The following FSTL5 variants were observed in gnomAD, a reference collection of about 807,000 sequenced individuals.
The protein encoded by FSTL5 is follistatin-related protein 5.
Under a neutral mutation model 89.1 loss-of-function variants are expected in FSTL5, and 62 were observed. The ratio of observed to expected loss-of-function variants is 0.70; its 90% CI spans 0.57 to 0.86. The LOEUF (loss-of-function observed/expected upper bound fraction) is 0.86. Among genes scored for constraint, FSTL5 ranks in the 40% least tolerant of loss-of-function variants. The probability of loss-of-function intolerance (pLI) is 0.00; values close to 1 mark genes in which losing one functional copy is unlikely to be tolerated. For missense variants in FSTL5, 1,057 were observed against 1,001.6 expected, an observed-to-expected ratio of 1.06 and a Z score of -0.75; for synonymous variants, 383 against 346.2, an observed-to-expected ratio of 1.11 and a Z score of -1.18.
chr4:162,000,712 C>T (rs1736439686), intron 3 of FSTL5, among the ~76,000 whole-genome samples: 1 of 151,998 alleles, frequency 6.6e-6, no homozygotes, highest in Non-Finnish European at 1.5e-5. Flanking sequence ...GTACAATGAC[C>T]TTTTAATCTA....
chr4:162,052,303 C>T (rs1560993104), intron 2 of FSTL5, among the ~76,000 whole-genome samples: 1 of 149,040 alleles, frequency 6.7e-6, no homozygotes, highest in Non-Finnish European at 1.5e-5. Context: ...TCAATCATAA[C>T]AAAAAAAAAG....
At chr4:161,544,386 G>A (rs956707534) in intron 8 of FSTL5, among the ~76,000 whole-genome samples, 21 of 151,932 alleles carry the variant, frequency 1.4e-4, no homozygotes, top group African/African-American at 5.1e-4. Flanking sequence ...TGACACAAAC[G>A]TTTACATATT....
At chr4:161,992,877 T>A (rs1216792250) in intron 3 of FSTL5, among the ~76,000 whole-genome samples, 8,140 of 27,578 alleles carry the variant, frequency 0.3, 931 homozygotes, top group Admixed American at 0.38. Flanking sequence ...TATATATATA[T>A]ATATATATAT....
intron 4 of FSTL5, among the ~76,000 whole-genome samples, chr4:161,823,539 C>T (rs1403847019): frequency 1.3e-5 from 2 of 152,198 alleles, no homozygotes; most frequent in African/African-American, 4.8e-5. Flanking sequence ...GACACCAGAT[C>T]TTGGGAGCAG....
intron 15 of FSTL5, among the ~76,000 whole-genome samples, chr4:161,391,247 G>A (rs1006713607): frequency 1.3e-5 from 2 of 152,172 alleles, no homozygotes; most frequent in Non-Finnish European, 2.9e-5. Context: ...AATTTTACTT[G>A]TGAAGGCTTA....
chr4:161,994,748 G>C lies in FSTL5; in HGVS notation c.160+38877C>G, dbSNP rs7672617. ...GGTGTTTTGTTTTTTTCTTCCAAAT[G>C]TGTTTAAGTTCCTTCTACAAGCTGG... is the stretch of plus-strand genomic sequence containing the variant. On this transcript the variant is annotated intron_variant, in intron 3 of 15. Coordinates refer to ENST00000306100, the MANE Select transcript of FSTL5 (RefSeq NM_020116.5). Among the ~76,000 whole-genome samples the C allele has an allele frequency of 8.6e-3, 1,313 of 152,176 alleles. 23 individuals carry two copies. The highest frequency in any genetic ancestry group is 0.03 in the African/African-American group (1,253 of 41,550).
chr4:162,049,564 G>T lies in FSTL5; in HGVS notation c.127-15906C>A, dbSNP rs1178295776. On this transcript the variant is annotated intron_variant, in intron 2 of 15. Transcript: ENST00000306100. ...GTGGGAGATCAGAGGCGATTCTTTG[G>T]TGCCTTTGGTTCTCAACCCTGTAGT... Among the ~76,000 whole-genome samples, 3 of 152,080 alleles carry T rather than the reference G, an allele frequency of 2.0e-5. No individual in the cohort carries two copies. In the East Asian group the frequency reaches 5.8e-4, roughly 29 times the overall value.
intron 3 of FSTL5, among the ~76,000 whole-genome samples, chr4:161,985,404 TTA>T (rs1193227285): frequency 6.6e-6 from 1 of 152,078 alleles, no homozygotes; most frequent in African/African-American, 2.4e-5. Flanking sequence ...TTTGAAAAGT[TTA>T]TATTATTCAT....
chr4:161,687,150 T>C (rs1737775347), intron 6 of FSTL5, among the ~76,000 whole-genome samples: 2 of 152,194 alleles, frequency 1.3e-5, no homozygotes, highest in South Asian at 4.1e-4. Flanking sequence ...TAACAACGGT[T>C]AAATGGTTAA....
intron 4 of FSTL5, among the ~76,000 whole-genome samples, chr4:161,814,378 A>T (rs762445829): frequency 1.3e-5 from 2 of 152,178 alleles, no homozygotes; most frequent in African/African-American, 2.4e-5. Flanking sequence ...GAAGGGCTCA[A>T]ACTGCCCTGA....
At chr4:161,839,677 A>G (rs938023271) in intron 4 of FSTL5, among the ~76,000 whole-genome samples, 4 of 152,238 alleles carry the variant, frequency 2.6e-5, no homozygotes, top group Admixed American at 2.6e-4. Context: ...TAAGTGGTCA[A>G]CATTTAAAAA....
chr4:161,394,608 G>A (rs1231967850), intron 15 of FSTL5, among the ~76,000 whole-genome samples: 2 of 152,010 alleles, frequency 1.3e-5, no homozygotes, highest in Non-Finnish European at 2.9e-5. Context: ...TGTAGTAAAG[G>A]TTACACATAT....
intron 15 of FSTL5, among the ~76,000 whole-genome samples, chr4:161,399,839 C>T (rs1656560165): frequency 6.6e-6 from 1 of 152,056 alleles, no homozygotes; most frequent in South Asian, 2.1e-4. Flanking sequence ...TTAAGTAGTA[C>T]AGTATGTACT....
At chr4:161,519,205 GA>G (rs1468052999) in intron 10 of FSTL5, among the ~76,000 whole-genome samples, 1 of 152,164 alleles carries the variant, frequency 6.6e-6, no homozygotes, top group Non-Finnish European at 1.5e-5. Flanking sequence ...TGTATTGCAA[GA>G]GATGACGGTA....
intron 5 of FSTL5, among the ~76,000 whole-genome samples, chr4:161,772,717 C>T (rs1300220369): frequency 6.6e-6 from 1 of 152,128 alleles, no homozygotes; most frequent in Non-Finnish European, 1.5e-5. Flanking sequence ...AATGGAAACA[C>T]ATCTCATGCT....
intron 4 of FSTL5, among the ~76,000 whole-genome samples, chr4:161,833,946 C>T (rs2126864515): frequency 6.6e-6 from 1 of 152,170 alleles, no homozygotes; most frequent in East Asian, 1.9e-4. Flanking sequence ...GGTTATTTTG[C>T]TCGTTAGTTG....
intron 13 of FSTL5, among the ~76,000 whole-genome samples, chr4:161,478,523 G>A (rs752693727): frequency 4.1e-4 from 63 of 152,122 alleles, no homozygotes; most frequent in Non-Finnish European, 8.7e-4. Flanking sequence ...CAACCTTCTT[G>A]TACTTGGGAA....
At chr4:161,446,788 A>G (rs991867207) in intron 15 of FSTL5, among the ~76,000 whole-genome samples, 2 of 151,994 alleles carry the variant, frequency 1.3e-5, no homozygotes, top group Non-Finnish European at 2.9e-5. Context: ...ATTACATCGT[A>G]TCTTAACTTC....
At chr4:161,790,689 T>G (rs1729442223) in intron 4 of FSTL5, among the ~76,000 whole-genome samples, 1 of 152,236 alleles carries the variant, frequency 6.6e-6, no homozygotes, top group Non-Finnish European at 1.5e-5. Flanking sequence ...GTGAACATCC[T>G]GCTTTAAAAC....
Sources: gnomAD v4.1 joint callset for allele counts (sites outside exome capture counted in the v4.1 genomes callset) on GRCh38, gnomAD v4.1.1 for gene constraint, MANE v1.5 for transcripts, NCBI Gene and HGNC (gene_info 2026-07-23, HGNC 2026-07-21) for gene names.